ALPI: variants seen among roughly 807,000 people sequenced by gnomAD.
ALPI encodes intestinal-type alkaline phosphatase.
ALPI carries 50 observed loss-of-function variants against 51.5 expected under a neutral mutation model. The observed-to-expected ratio is 0.97, with a 90% CI of 0.77 to 1.23. ALPI has a LOEUF of 1.23. Ranked by LOEUF, ALPI falls within the 50% of genes most tolerant of loss-of-function variation. The pLI is 0.00. For missense variants in ALPI, 692 were observed against 722.4 expected (o/e 0.96, Z 0.48); for synonymous variants, 322 against 308.2 (o/e 1.04, Z -0.47).
At chr2:232,458,541 C>G (rs1468013610) in intron 9 of ALPI, 91 bp from the exon 10 acceptor site, 8 of 1,534,426 alleles carry the variant, frequency 5.2e-6, no homozygotes, top group Non-Finnish European at 7.1e-6. Context: ...ACCGAGCCCC[C>G]GAACAGGCAA....
rs778025369 is a variant in ALPI at position 232,456,933 on chromosome 2, C to G, written c.335C>G (p.Ala112Gly). The G allele has an allele frequency of 2.0e-5, 33 of 1,613,462 alleles. No individual in the cohort carries two copies. The highest frequency in any genetic ancestry group is 2.7e-5 in the Non-Finnish European group (32 of 1,180,002). ...GTGGACAGACAGGTGCCAGACAGCG[C>G]AGCCACAGCCACGGCCTACCTGTGC... The part of the protein sequence containing the change: ...YNVDRQVPDS[A>G]ATATAYLCGV... The change falls in exon 4 of 11, where the codon GCA becomes GGA. Residue 112 changes from alanine (A) to glycine (G), a missense_variant. Transcript: ENST00000295463. The surrounding 1 kb of genome is among the most constrained non-coding windows in gnomAD (Gnocchi z 4.2).
rs1575069529 is a variant in ALPI, at chr2:232,459,511, C to T, written c.*365C>T. On this transcript the variant is annotated 3_prime_UTR_variant, in exon 11 of 11. Coordinates refer to ENST00000295463, the MANE Select transcript of ALPI (RefSeq NM_001631.5). ...CACCCTGCCTCTATCCTAAGGAAGA[C>T]CAAGCAGGCCTGGACCCAGAGACGT... The T allele has an allele frequency of 3.8e-6, 1 of 261,804 alleles. No individual in the cohort carries two copies. The highest frequency in any genetic ancestry group is 9.1e-5 in the East Asian group (1 of 10,974). 16.2% of individuals were successfully genotyped at this position (261,804 alleles called of 1,614,324 possible). A position where few individuals can be genotyped will look rare whatever the true frequency, so the allele number is the denominator to read the frequency against.
chr2:232,458,416 T>C lies in ALPI; in HGVS notation c.1183+8T>C, dbSNP rs1324099251. ...GAGGGAGCTCCATCTTCGGTAGGCC[T>C]GGGGAGAGTGGCAGGTGCTGCTGCA... On this transcript the variant is annotated splice_region_variant and intron_variant, in intron 9 of 10. Transcript: ENST00000295463. The C allele has an allele frequency of 6.2e-7, 1 of 1,609,714 alleles. No individual in the cohort carries two copies. The highest frequency in any genetic ancestry group is 1.3e-5 in the African/African-American group (1 of 74,850).
rs927713379 is a variant in ALPI at position 232,459,432 on chromosome 2, G to A, written c.*286G>A. The A allele has an allele frequency of 4.2e-5, 19 of 451,616 alleles. No homozygotes were observed. The South Asian group carries it at 5.4e-4, about 13-fold the overall frequency. 28.0% of individuals were successfully genotyped at this position (451,616 alleles called of 1,614,324 possible). ...CCAACCCCAGAGACTGCAGATTTGT[G>A]CCATGCGGCTGCCTGCACCCCAGAC... is the stretch of plus-strand genomic sequence containing the variant. On this transcript the variant is annotated 3_prime_UTR_variant, in exon 11 of 11. Transcript: ENST00000295463.
chr2:232,458,581 A>G, intron 9 of ALPI, 51 bp from the exon 10 acceptor site: 1 of 1,582,226 alleles, frequency 6.3e-7, no homozygotes, highest in South Asian at 1.1e-5. Flanking sequence ...CATAGGAGGC[A>G]CTCCCACAGC....
Position 232,459,171 on chromosome 2 carries a change from C to A in ALPI, c.*25C>A, listed in dbSNP as rs1410886344. The A allele has an allele frequency of 4.0e-6, 6 of 1,518,790 alleles. No individual in the cohort carries two copies. In the South Asian group the frequency reaches 7.4e-5, roughly 19 times the overall value. The allele number at this position is 1,518,790 out of a possible 1,614,324, so 94.1% of individuals were successfully genotyped here. On this transcript the variant is annotated 3_prime_UTR_variant, in exon 11 of 11. Transcript: ENST00000295463. The stretch of plus-strand genomic sequence containing the variant: ...AGTGCCCCACTCCGGAGTTATCCTG[C>A]TCCCCACCTCCGGGCGTCCTGCCCT...
Position 232,458,930 on chromosome 2 carries a change from G to T in ALPI, c.1371G>T (p.Ala457=), listed in dbSNP as rs765592366. The T allele has an allele frequency of 5.0e-6, 8 of 1,608,292 alleles. No homozygotes were observed. In the South Asian group the frequency reaches 8.8e-5, roughly 18 times the overall value. The stretch of plus-strand genomic sequence containing the variant: ...AGACCCACGGAGGCGAAGACGTGGC[G>T]GTGTTTGCGCGCGGCCCGCAGGCGC... The part of the protein sequence containing the change: ...SSETHGGEDV[A]VFARGPQAHL... Residue 457 remains alanine (A), a synonymous_variant, in exon 11 of 11, where the codon GCG becomes GCT. Coordinates refer to ENST00000295463, the MANE Select transcript of ALPI (RefSeq NM_001631.5).
At position 232,458,036 on chromosome 2, in the gene ALPI, C is replaced by T. The variant is rs147248868; in HGVS notation, c.895C>T (p.Arg299Ter). ...CGGAGACACGAAATATGAGATCCAC[C>T]GAGACCCCACACTGGACCCCTCCCT... Reference protein sequence around the residue: ...EPGDTKYEIHRDPTLDPSLME... With the variant: ...EPGDTKYEIH The change falls in exon 8 of 11, where the codon CGA (arginine) becomes TGA (stop). Residue 299 changes from arginine to a stop codon, truncating the protein, a stop_gained. Coordinates refer to ENST00000295463, the MANE Select transcript of ALPI (RefSeq NM_001631.5). LOFTEE classifies it high-confidence loss of function. 2.2e-4 allele frequency: 359 copies of T among 1,613,942 alleles called. 2 individuals carry two copies. In the South Asian group the frequency reaches 3.4e-3, roughly 15 times the overall value.
At position 232,458,105 on chromosome 2, in the gene ALPI, C is replaced by T; in HGVS notation, c.964C>T (p.Pro322Ser). Residue 322 changes from proline to serine, a missense_variant, in exon 8 of 11, where the codon CCC (proline) becomes TCC (serine). Physicochemically the swap from Pro to Ser is moderately conservative, Grantham distance 74. Coordinates refer to ENST00000295463, the MANE Select transcript of ALPI (RefSeq NM_001631.5). ...EAALRLLSRN[P>S]RGFYLFVEGG... The stretch of plus-strand genomic sequence containing the variant: ...TGCCCTGCGCCTGCTGAGCAGGAAC[C>T]CCCGCGGCTTCTACCTCTTTGTGGA... The T allele has an allele frequency of 1.2e-6, 2 of 1,614,022 alleles. No individual in the cohort carries two copies. The highest frequency in any genetic ancestry group is 1.1e-5 in the South Asian group (1 of 91,072).
rs771310081 is a variant in ALPI at position 232,457,716 on chromosome 2, G to C, written c.783+17G>C. 16 of 1,610,484 alleles carry C rather than the reference G, an allele frequency of 9.9e-6. No individual in the cohort carries two copies. Among genetic ancestry groups the C allele is most frequent in the Non-Finnish European group, 1.4e-5 (16 of 1,177,526 alleles). On this transcript the variant is annotated intron_variant, in intron 6 of 10. Coordinates refer to ENST00000295463, the MANE Select transcript of ALPI (RefSeq NM_001631.5). This position sits in a 1 kb window ranked among gnomAD's most constrained non-coding sequence, Gnocchi z 4.7. ...AAGCACCAGGTGATGGGGGCTGGTG[G>C]GTGTGGGAGGCACGGCAGGGGGAGG...
In ALPI at chr2:232,457,387, G is replaced by A. The variant is rs1690216824; in HGVS notation, c.648+65G>A. On this transcript the variant is annotated intron_variant, in intron 5 of 10. Coordinates refer to ENST00000295463, the MANE Select transcript of ALPI (RefSeq NM_001631.5). The surrounding 1 kb of genome is among the most constrained non-coding windows in gnomAD (Gnocchi z 4.7). ...GAAGGTGGCACAGGCTCAGATCCAG[G>A]CAACCAAAAGCCTGATCTGGGTCAG... The A allele has an allele frequency of 2.6e-6, 4 of 1,560,082 alleles. No homozygotes were observed. The highest frequency in any genetic ancestry group is 1.8e-5 in the Admixed American group (1 of 54,588).
chr2:232,457,367 T>G lies in ALPI; in HGVS notation c.648+45T>G. ...GGCTGGGGCTGGGCAGAGGGGAAGG[T>G]GGCACAGGCTCAGATCCAGGCAACC... On this transcript the variant is annotated intron_variant, in intron 5 of 10. Transcript: ENST00000295463. The surrounding 1 kb of genome is among the most constrained non-coding windows in gnomAD (Gnocchi z 4.7). The G allele has an allele frequency of 1.3e-6, 2 of 1,571,152 alleles. No individual in the cohort carries two copies. The highest frequency in any genetic ancestry group is 8.6e-7 in the Non-Finnish European group (1 of 1,158,642).
intron 10 of ALPI, 33 bp downstream of exon 10, chr2:232,458,781 C>G (rs767921465): frequency 1.2e-5 from 20 of 1,612,300 alleles, no homozygotes; most frequent in Non-Finnish European, 1.7e-5. Flanking sequence ...TGCAGGGGGA[C>G]CAGGGTGCCA....
chr2:232,459,078 C>G lies in ALPI; in HGVS notation c.1519C>G (p.Pro507Ala). ...PPACTTDAAH[P>A]VAASLPLLAG... ...CGCCTGCACCACCGACGCCGCGCAC[C>G]CAGTTGCCGCGTCGCTGCCACTGCT... The change falls in exon 11 of 11, where the codon CCA (proline) becomes GCA (alanine). Residue 507 changes from proline to alanine, a missense_variant. Physicochemically the swap from Pro to Ala is conservative, Grantham distance 27. Transcript: ENST00000295463. 1 of 1,544,182 alleles carries G rather than the reference C, an allele frequency of 6.5e-7. No individual in the cohort carries two copies. Among genetic ancestry groups the G allele is most frequent in the Non-Finnish European group, 8.7e-7 (1 of 1,146,754 alleles).
At position 232,457,983 on chromosome 2, in the gene ALPI, C is replaced by T. The variant is rs780704315; in HGVS notation, c.857-15C>T. The T allele has an allele frequency of 2.5e-6, 4 of 1,613,398 alleles. No individual in the cohort carries two copies. The highest frequency in any genetic ancestry group is 3.4e-6 in the Non-Finnish European group (4 of 1,179,536). On this transcript the variant is annotated splice_polypyrimidine_tract_variant and intron_variant, in intron 7 of 10. Transcript: ENST00000295463. The surrounding 1 kb of genome is among the most constrained non-coding windows in gnomAD (Gnocchi z 4.7). ...TCACAGCCTGCCAATCACCACCAAG[C>T]TCCTTGTCCCACAGGCCTCTTTGAG...
Position 232,456,809 on chromosome 2 carries a change from C to T in ALPI, c.301-90C>T. 1.9e-6 allele frequency: 3 copies of T among 1,567,122 alleles called. No individual in the cohort carries two copies. Among genetic ancestry groups the T allele is most frequent in the Non-Finnish European group, 2.6e-6 (3 of 1,155,072 alleles). Reference sequence around the variant, plus strand: ...TGGGGCCTAAGTTAGGAGCTGGGAGCAGTTAGGATCCCAGAGGACCAGAAC... The same window carrying T: ...TGGGGCCTAAGTTAGGAGCTGGGAGTAGTTAGGATCCCAGAGGACCAGAAC... On this transcript the variant is annotated intron_variant, in intron 3 of 10. Transcript: ENST00000295463. The surrounding 1 kb of genome is among the most constrained non-coding windows in gnomAD (Gnocchi z 4.2).
rs1449276668 is a variant in ALPI, at chr2:232,458,897, G to A, written c.1338G>A (p.Leu446=). ...ACCAGCAGCAGGCGGCGGTGCCCCT[G>A]TCGTCCGAGACCCACGGAGGCGAAG... ...PDYQQQAAVP[L]SSETHGGEDV... The change falls in exon 11 of 11, where the codon CTG becomes CTA. Residue 446 remains leucine (L), a synonymous_variant. Transcript: ENST00000295463. 1 of 1,610,596 alleles carries A rather than the reference G, an allele frequency of 6.2e-7. No homozygotes were observed. The highest frequency in any genetic ancestry group is 1.1e-5 in the South Asian group (1 of 90,900).
Position 232,457,875 on chromosome 2 carries a change from C to A in ALPI, c.856+8C>A, listed in dbSNP as rs1290847100. On this transcript the variant is annotated splice_region_variant and intron_variant, in intron 7 of 10. Coordinates refer to ENST00000295463, the MANE Select transcript of ALPI (RefSeq NM_001631.5). This position sits in a 1 kb window ranked among gnomAD's most constrained non-coding sequence, Gnocchi z 4.7. ...CTGTGACCCATCTCATGGGTAATGA[C>A]CCCCTTCCTGCCCTGGCATTCCTCA... The A allele has an allele frequency of 1.7e-5, 27 of 1,613,656 alleles. No homozygotes were observed. The highest frequency in any genetic ancestry group is 2.2e-5 in the Non-Finnish European group (26 of 1,179,832).
chr2:232,459,289 C>G lies in ALPI; in HGVS notation c.*143C>G. ...CTAGAGATAAACCAGCCTCAGCTGG[C>G]GCAGCGGGGCCCTTCTTCCCTCCGC... On this transcript the variant is annotated 3_prime_UTR_variant, in exon 11 of 11. Coordinates refer to ENST00000295463, the MANE Select transcript of ALPI (RefSeq NM_001631.5). 9 of 1,183,050 alleles carry G rather than the reference C, an allele frequency of 7.6e-6. No homozygotes were observed. In the South Asian group the frequency reaches 1.4e-4, roughly 19 times the overall value. 73.3% of individuals were successfully genotyped at this position (1,183,050 alleles called of 1,614,324 possible). A position where few individuals can be genotyped will look rare whatever the true frequency, so the allele number is the denominator to read the frequency against.
Sources: allele counts gnomAD v4.1 joint callset, GRCh38; gene constraint gnomAD v4.1.1; non-coding constraint Gnocchi (gnomAD v3.1); transcripts MANE v1.5; gene names NCBI Gene and HGNC (gene_info 2026-07-23, HGNC 2026-07-21).